TRAPPC4: variants seen among roughly 807,000 people sequenced by gnomAD.
The protein encoded by TRAPPC4 is TRS23 homolog.
Under a neutral mutation model 23.5 loss-of-function variants are expected in TRAPPC4, and 30 were observed. That is an observed-to-expected ratio of 1.28 (90% CI 0.96 to 1.73). The LOEUF is 1.73. Among genes scored for constraint, TRAPPC4 ranks in the 40% most tolerant of loss-of-function variants. The probability of loss-of-function intolerance (pLI) is 0.00; values close to 1 mark genes in which losing one functional copy is unlikely to be tolerated. For missense variants in TRAPPC4, 252 were observed against 268.9 expected (o/e 0.94, Z 0.44); for synonymous variants, 129 against 105.3 (o/e 1.23, Z -1.38).
chr11:119,021,322 A>T (rs983097723), intron 3 of TRAPPC4: 2 of 156,462 alleles, frequency 1.3e-5, no homozygotes, highest in African/African-American at 4.8e-5. Context: ...GATAAAACTC[A>T]CCTTAATGCT....
At chr11:119,020,655 C>T (rs1943331998) in intron 3 of TRAPPC4, 1 of 163,908 alleles carries the variant, frequency 6.1e-6, no homozygotes, top group African/African-American at 2.4e-5. Flanking sequence ...GCCCGCCTCC[C>T]AAAGTGTTGG....
chr11:119,021,602 T>G lies in TRAPPC4; in HGVS notation c.455-158T>G, dbSNP rs114162714. The G allele has an allele frequency of 1.3e-5, 10 of 749,880 alleles. No homozygotes were observed. The African/African-American group carries it at 1.4e-4, about 11-fold the overall frequency. 46.5% of individuals were successfully genotyped at this position (749,880 alleles called of 1,614,324 possible). A position where few individuals can be genotyped will look rare whatever the true frequency, so the allele number is the denominator to read the frequency against. On this transcript the variant is annotated intron_variant, in intron 3 of 4. Coordinates refer to ENST00000533632, the MANE Select transcript of TRAPPC4 (RefSeq NM_016146.6). ...TCACTTCTCTGGTCTCATCGGTAGA[T>G]TCAAAGTCTTGCCTTTCCTGCATTA...
intron 2 of TRAPPC4, 86 bp downstream of exon 2, chr11:119,019,403 C>T: frequency 1.4e-6 from 2 of 1,413,654 alleles, no homozygotes; most frequent in Non-Finnish European, 1.9e-6. Flanking sequence ...AAAAACGCAA[C>T]CGATCCAGAT....
chr11:119,021,221 G>A (rs1354017901), intron 3 of TRAPPC4: 2 of 152,852 alleles, frequency 1.3e-5, no homozygotes, highest in Non-Finnish European at 2.9e-5. Context: ...ACATCTGTTT[G>A]TTTGTTTTGT....
At chr11:119,021,717 T>G in intron 3 of TRAPPC4, 43 bp from the exon 4 acceptor site, 1 of 1,608,804 alleles carries the variant, frequency 6.2e-7, no homozygotes, top group Non-Finnish European at 8.5e-7. Flanking sequence ...CACTATTTGC[T>G]CCAGTGTCTA....
chr11:119,019,063 A>G, intron 1 of TRAPPC4, 80 bp from the exon 2 acceptor site: 1 of 1,588,244 alleles, frequency 6.3e-7, no homozygotes, highest in Non-Finnish European at 8.6e-7. Context: ...TTGGGGGAAA[A>G]GGGGTTGTGT....
At chr11:119,023,072 C>CT in intron 4 of TRAPPC4, 1 of 270,876 alleles carries the variant, frequency 3.7e-6, no homozygotes, top group Non-Finnish European at 7.2e-6. Context: ...TCAGGCGATT[C>CT]TTTTGTCTCA....
At chr11:119,021,545 C>T (rs1000178354) in intron 3 of TRAPPC4, 2 of 467,010 alleles carry the variant, frequency 4.3e-6, no homozygotes, top group South Asian at 2.7e-5. Context: ...AAAGCCTGGT[C>T]TTAATCAGGT....
rs781947788 is a variant in TRAPPC4, at chr11:119,018,843, T to A, written c.48T>A (p.Ile16=). 1 of 1,614,226 alleles carries A rather than the reference T, an allele frequency of 6.2e-7. No individual in the cohort carries two copies. The highest frequency in any genetic ancestry group is 1.1e-5 in the South Asian group (1 of 91,090). The change falls in exon 1 of 5, where the codon ATT becomes ATA. Residue 16 remains isoleucine (I), a synonymous_variant. Transcript: ENST00000533632. The part of the protein sequence containing the change: ...VYVVNKAGGL[I]YQLDSYAPRA... ...TGGTGAACAAAGCTGGCGGCTTGAT[T>A]TACCAGTTGGACAGCTACGCGCCAC... is the stretch of plus-strand genomic sequence containing the variant.
At chr11:119,022,963 T>TG (rs1438661669) in intron 4 of TRAPPC4, 4 of 93,994 alleles carry the variant, frequency 4.3e-5, no homozygotes, top group Non-Finnish European at 9.9e-5. Flanking sequence ...TGATGTTTTT[T>TG]TTTTTTTTTT....
In TRAPPC4 at chr11:119,018,932, G is replaced by A. The variant is rs1275541864; in HGVS notation, c.137G>A (p.Arg46His). ...CTGCTGCTCAAGCTACACGATGAGC[G>A]TGTGTTGGTTGCTTTCGGCCAGCGG... is the stretch of plus-strand genomic sequence containing the variant. ...LDLLLKLHDE[R>H]VLVAFGQRDG... The change falls in exon 1 of 5, where the codon CGT becomes CAT. Residue 46 changes from arginine (R) to histidine (H), a missense_variant. Physicochemically the swap from Arg to His is conservative, Grantham distance 29. Around this residue, in one of 3 missense-constraint regions of TRAPPC4, gnomAD observed 222 missense variants for 217.8 expected, o/e 1.02. Coordinates refer to ENST00000533632, the MANE Select transcript of TRAPPC4 (RefSeq NM_016146.6). The A allele has an allele frequency of 2.5e-6, 4 of 1,613,658 alleles. No homozygotes were observed. Among genetic ancestry groups the A allele is most frequent in the Non-Finnish European group, 3.4e-6 (4 of 1,180,028 alleles).
At chr11:119,021,721 G>GTGTC in intron 3 of TRAPPC4, 39 bp from the exon 4 acceptor site, 3 of 1,611,146 alleles carry the variant, frequency 1.9e-6, no homozygotes, top group Non-Finnish European at 2.5e-6. Flanking sequence ...ATTTGCTCCA[G>GTGTC]TGTCTACGCT....
chr11:119,021,593 A>G (rs989025994), intron 3 of TRAPPC4, 167 bp from the exon 4 acceptor site: 5 of 688,578 alleles, frequency 7.3e-6, no homozygotes, highest in African/African-American at 1.8e-5. Flanking sequence ...CTCTGGTCTC[A>G]TCGGTAGATT....
At chr11:119,022,920 T>G in intron 4 of TRAPPC4, 1 of 149,566 alleles carries the variant, frequency 6.7e-6, no homozygotes, top group Non-Finnish European at 1.4e-5. Context: ...GTTTATGTCA[T>G]TTTTGTTTGT....
At chr11:119,020,884 GTTTT>G (rs1388312734) in intron 3 of TRAPPC4, 2 of 150,714 alleles carry the variant, frequency 1.3e-5, no homozygotes, top group Admixed American at 1.3e-4. Context: ...TTTTTGTGGG[GTTTT>G]TTTGTTTTGT....
rs143492331 is a variant in TRAPPC4, at chr11:119,020,200, T to C, written c.401T>C (p.Ile134Thr). ...QLSPEQGSSG[I>T]EMLETDTFKL... The stretch of plus-strand genomic sequence containing the variant: ...TCTCCTGAACAGGGAAGCTCAGGCA[T>C]TGAGATGCTGGAGACAGACACATTC... Residue 134 changes from isoleucine to threonine, a missense_variant, in exon 3 of 5, where the codon ATT becomes ACT. Around this residue, in one of 3 missense-constraint regions of TRAPPC4, gnomAD observed 222 missense variants for 217.8 expected, o/e 1.02. Coordinates refer to ENST00000533632, the MANE Select transcript of TRAPPC4 (RefSeq NM_016146.6). 2.1e-4 allele frequency: 333 copies of C among 1,613,916 alleles called. No individual in the cohort carries two copies. The highest frequency in any genetic ancestry group is 2.7e-4 in the Non-Finnish European group (314 of 1,180,020).
At position 119,019,173 on chromosome 11, in the gene TRAPPC4, T is replaced by C; in HGVS notation, c.206T>C (p.Met69Thr). The change falls in exon 2 of 5, where the codon ATG becomes ACG. Residue 69 changes from methionine to threonine, a missense_variant. Around this residue, in one of 3 missense-constraint regions of TRAPPC4, gnomAD observed 222 missense variants for 217.8 expected, o/e 1.02. Transcript: ENST00000533632. ...CATGCAGTGCTGGCCATCAATGGCA[T>C]GGACGTGAATGGCAGGTACACGGCC... ...VGHAVLAING[M>T]DVNGRYTADG... is the part of the protein sequence containing the mutation. The C allele has an allele frequency of 6.2e-7, 1 of 1,614,218 alleles. No individual in the cohort carries two copies. Among genetic ancestry groups the C allele is most frequent in the Non-Finnish European group, 8.5e-7 (1 of 1,180,040 alleles).
At chr11:119,021,657 C>T in intron 3 of TRAPPC4, 103 bp from the exon 4 acceptor site, 4 of 1,253,310 alleles carry the variant, frequency 3.2e-6, no homozygotes, top group East Asian at 2.4e-5. Flanking sequence ...TTAAAATAGG[C>T]TTATGAAAGT....
intron 2 of TRAPPC4, 181 bp downstream of exon 2, chr11:119,019,498 G>A: frequency 1.6e-6 from 1 of 642,504 alleles, no homozygotes. Flanking sequence ...CTGGAGCGCA[G>A]TGGCGGGATC....
Sources: allele counts gnomAD v4.1 joint callset, GRCh38; gene constraint gnomAD v4.1.1; regional missense constraint gnomAD v4.1.1; transcripts MANE v1.5; gene names NCBI Gene and HGNC (gene_info 2026-07-23, HGNC 2026-07-21).